MYRIP: variants seen among roughly 807,000 people sequenced by gnomAD.
MYRIP encodes myosin VIIA and Rab interacting protein, also known as rab effector MyRIP.
Under a neutral mutation model 98.0 loss-of-function variants are expected in MYRIP, and 49 were observed. The observed-to-expected ratio is 0.50, with a 90% CI of 0.40 to 0.63. The LOEUF (loss-of-function observed/expected upper bound fraction) is 0.63. Among genes scored for constraint, MYRIP ranks in the 30% least tolerant of loss-of-function variants. The pLI, the probability that MYRIP is intolerant of heterozygous loss-of-function variation, is 0.00. For synonymous variants in MYRIP, 404 were observed against 409.5 expected (o/e 0.99, Z 0.16); for missense variants, 1,004 against 1,058.2 (o/e 0.95, Z 0.71).
rs189612018 is a variant in MYRIP at position 40,022,560 on chromosome 3, G to A, written c.111-21490G>A. ...GAGTATTCATGGAGGCATTGTTTTTGACATTTGTTTTGAGGCAGATCTCTC... is the reference window on the plus strand; with the variant it reads ...GAGTATTCATGGAGGCATTGTTTTTAACATTTGTTTTGAGGCAGATCTCTC... On this transcript the variant is annotated intron_variant, in intron 2 of 16. Coordinates refer to ENST00000302541, the MANE Select transcript of MYRIP (RefSeq NM_015460.4). 2.6e-5 allele frequency among the ~76,000 whole-genome samples: 4 copies of A among 152,272 alleles called. No individual in the cohort carries two copies. In the East Asian group the frequency reaches 5.8e-4, roughly 22 times the overall value.
intron 2 of MYRIP, among the ~76,000 whole-genome samples, chr3:39,949,861 C>T (rs1442750638): frequency 1.3e-5 from 2 of 152,084 alleles, no homozygotes; most frequent in South Asian, 4.1e-4. Flanking sequence ...GTCTTGGGTT[C>T]CAGTTTCTTA....
intron 10 of MYRIP, among the ~76,000 whole-genome samples, chr3:40,200,770 T>C (rs975791597): frequency 6.6e-6 from 1 of 152,106 alleles, no homozygotes; most frequent in African/African-American, 2.4e-5. Context: ...TAGAGCACAC[T>C]CAGTCCCTTC....
Position 39,951,213 on chromosome 3 carries a change from C to A in MYRIP, c.110+50287C>A, listed in dbSNP as rs1365719408. On this transcript the variant is annotated intron_variant, in intron 2 of 16. Transcript: ENST00000302541. ...TCAGTGTATTAAAATAAAACTCAAA[C>A]CCCCCTGGCTTTAGCTCCATGGATG... is the stretch of plus-strand genomic sequence containing the variant. Among the ~76,000 whole-genome samples, 4 of 152,244 alleles carry A rather than the reference C, an allele frequency of 2.6e-5. No homozygotes were observed. The South Asian group carries it at 8.3e-4, about 32-fold the overall frequency.
intron 1 of MYRIP, among the ~76,000 whole-genome samples, chr3:39,853,927 A>G (rs1443307364): frequency 6.6e-6 from 1 of 152,080 alleles, no homozygotes; most frequent in Non-Finnish European, 1.5e-5. Flanking sequence ...GTTGATTTTT[A>G]TATAAAGAGA....
chr3:40,117,723 A>G (rs1290161370), intron 3 of MYRIP, among the ~76,000 whole-genome samples: 1 of 152,196 alleles, frequency 6.6e-6, no homozygotes, highest in Non-Finnish European at 1.5e-5. Flanking sequence ...CCTCAGTTCC[A>G]ATCTTAGCTC....
At chr3:40,029,077 T>C (rs1343662843) in intron 2 of MYRIP, among the ~76,000 whole-genome samples, 2 of 152,142 alleles carry the variant, frequency 1.3e-5, no homozygotes, top group Non-Finnish European at 2.9e-5. Context: ...CAAATAATTT[T>C]CTTTTTGGAT....
At chr3:40,015,137 T>C (rs181770816) in intron 2 of MYRIP, among the ~76,000 whole-genome samples, 1 of 152,368 alleles carries the variant, frequency 6.6e-6, no homozygotes, top group Admixed American at 6.5e-5. Context: ...AGAAGATGCC[T>C]ACCTTCCAAA....
intron 1 of MYRIP, among the ~76,000 whole-genome samples, chr3:39,827,383 G>A (rs1444093870): frequency 6.6e-6 from 1 of 152,236 alleles, no homozygotes; most frequent in Non-Finnish European, 1.5e-5. Context: ...CAAATACTCA[G>A]TTTATAGGCG....
At chr3:39,825,820 T>C (rs936545556) in intron 1 of MYRIP, among the ~76,000 whole-genome samples, 1 of 152,130 alleles carries the variant, frequency 6.6e-6, no homozygotes, top group African/African-American at 2.4e-5. Flanking sequence ...GAGATTTTCT[T>C]TTTTGGGAGG....
intron 3 of MYRIP, among the ~76,000 whole-genome samples, chr3:40,120,339 GA>G (rs1157063416): frequency 6.6e-6 from 1 of 152,074 alleles, no homozygotes; most frequent in Admixed American, 6.5e-5. Context: ...AATTTAAAAG[GA>G]AAACACCTTA....
intron 2 of MYRIP, among the ~76,000 whole-genome samples, chr3:40,039,929 T>C (rs368470054): frequency 6.6e-6 from 1 of 152,098 alleles, no homozygotes; most frequent in East Asian, 1.9e-4. Flanking sequence ...TAGCTTTTGG[T>C]GGCTGCTGGC....
chr3:39,917,410 C>T (rs1598993), intron 2 of MYRIP, among the ~76,000 whole-genome samples: 67,778 of 139,256 alleles, frequency 0.49, 17,473 homozygotes, highest in African/African-American at 0.67. Context: ...GTCAAAACTA[C>T]TGGGTTTATC....
intron 1 of MYRIP, among the ~76,000 whole-genome samples, chr3:39,891,666 T>A (rs1364687760): frequency 6.6e-6 from 1 of 152,108 alleles, no homozygotes; most frequent in Non-Finnish European, 1.5e-5. Context: ...ATCTCTCTAC[T>A]GAATGAAGGA....
chr3:39,831,573 C>T (rs1941446623), intron 1 of MYRIP, among the ~76,000 whole-genome samples: 1 of 151,964 alleles, frequency 6.6e-6, no homozygotes, highest in Non-Finnish European at 1.5e-5. Context: ...TTTTTGAAAT[C>T]TGGTGCATAT....
chr3:40,186,933 C>T (rs1385946148), intron 9 of MYRIP, among the ~76,000 whole-genome samples: 1 of 152,184 alleles, frequency 6.6e-6, no homozygotes, highest in Non-Finnish European at 1.5e-5. Flanking sequence ...ATTACCACCA[C>T]CACAGGTAGA....
chr3:40,019,721 C>A (rs1264601702), intron 2 of MYRIP, among the ~76,000 whole-genome samples: 1 of 151,790 alleles, frequency 6.6e-6, no homozygotes, highest in Non-Finnish European at 1.5e-5. Context: ...CAATCCCCCC[C>A]CCGCTTTTTT....
rs540042890 is a variant in MYRIP at position 39,852,015 on chromosome 3, G to T, written c.-31+42099G>T. Among the ~76,000 whole-genome samples, 141 of 152,260 alleles carry T rather than the reference G, an allele frequency of 9.3e-4. 1 individual carries two copies. The highest frequency in any genetic ancestry group is 3.2e-3 in the African/African-American group (132 of 41,550). ...AGAGTGCCCCTGCAGCCAGAGGGGAGTTCTTTGTTCATTCTTTCATTTACT... is the reference window on the plus strand; with the variant it reads ...AGAGTGCCCCTGCAGCCAGAGGGGATTTCTTTGTTCATTCTTTCATTTACT... On this transcript the variant is annotated intron_variant, in intron 1 of 16. Transcript: ENST00000302541.
chr3:40,182,950 T>G (rs1348861994), intron 9 of MYRIP, among the ~76,000 whole-genome samples: 1 of 152,190 alleles, frequency 6.6e-6, no homozygotes, highest in Non-Finnish European at 1.5e-5. Context: ...CACACAACAG[T>G]GCAGTACAAG....
At chr3:40,160,429 G>C (rs1015654043) in intron 4 of MYRIP, among the ~76,000 whole-genome samples, 2 of 152,236 alleles carry the variant, frequency 1.3e-5, no homozygotes, top group East Asian at 1.9e-4. Flanking sequence ...AGTCTGCAGA[G>C]GTTACTGCTG....
Sources: allele counts gnomAD v4.1 joint callset (sites outside exome capture counted in the v4.1 genomes callset), GRCh38; gene constraint gnomAD v4.1.1; transcripts MANE v1.5; gene names NCBI Gene and HGNC (gene_info 2026-07-23, HGNC 2026-07-21).